The following CSF2RA variants were observed in gnomAD, a reference collection of about 807,000 sequenced individuals.
The protein encoded by CSF2RA is granulocyte-macrophage colony-stimulating factor receptor subunit alpha.
In CSF2RA, 42 loss-of-function variants were observed where a neutral mutation model predicts 51.6. The observed-to-expected ratio is 0.81, with a 90% confidence interval of 0.64 to 1.05. CSF2RA has a LOEUF of 1.05. CSF2RA is among the 50% of genes least tolerant of loss of function. CSF2RA has a pLI of 0.00. For synonymous variants in CSF2RA, 222 were observed against 193.0 expected (o/e 1.15, Z -1.24); for missense variants, 530 against 501.1 (o/e 1.06, Z -0.55).
downstream of CSF2RA, among the ~76,000 whole-genome samples, chrX:1,312,425 C>T (rs2084230163): frequency 1.3e-5 from 2 of 152,010 alleles, no homozygotes; most frequent in African/African-American, 2.4e-5. Context: ...GGAATTAGGA[C>T]GTGGACATCT....
downstream of CSF2RA, among the ~76,000 whole-genome samples, chrX:1,315,293 C>T (rs1367272534): frequency 6.6e-6 from 1 of 151,554 alleles, no homozygotes; most frequent in African/African-American, 2.4e-5. Flanking sequence ...TGATAGATGA[C>T]AGATGAAAAA....
At position 1,302,957 on chromosome X, in the gene CSF2RA, C is replaced by T. The variant is rs1270183326; in HGVS notation, c.947-966C>T. ...CACGATCTCGGCTCACTGCAACCTC[C>T]GCCTCCCGGGTTCAAGCGATTCTCC... On this transcript the variant is annotated intron_variant, in intron 10 of 12. Coordinates refer to ENST00000381529, the MANE Select transcript of CSF2RA (RefSeq NM_172245.4). The T allele has an allele frequency of 2.7e-4, 67 of 243,862 alleles. No individual in the cohort carries two copies. The East Asian group carries it at 4.0e-3, about 15-fold the overall frequency. The allele number at this position is 243,862 out of a possible 1,614,324, so 15.1% of individuals were successfully genotyped here.
chrX:1,275,000 C>A (rs1242115205), intron 2 of CSF2RA, among the ~76,000 whole-genome samples, 182 bp downstream of exon 2: 1 of 151,262 alleles, frequency 6.6e-6, no homozygotes, highest in African/African-American at 2.4e-5. Flanking sequence ...GTCACGTTCC[C>A]TCTGAGACAG....
chrX:1,273,557 G>T (rs769238131), intron 1 of CSF2RA, among the ~76,000 whole-genome samples: 1 of 151,628 alleles, frequency 6.6e-6, no homozygotes, highest in South Asian at 2.1e-4. Context: ...TTGAACTCCT[G>T]ACCTCAGGTG....
Position 1,288,880 on chromosome X carries a change from A to G in CSF2RA, c.465A>G (p.Arg155=). ...ACGTCCAGTATTTTTTGTACATACG[A>G]AACTCAAAGTAAGTGTTCACCTCAT... The part of the protein sequence containing the change: ...PRDVQYFLYI[R]NSKRRREIRC... The change falls in exon 6 of 13, where the codon CGA becomes CGG. Residue 155 remains arginine (R), a synonymous_variant. Transcript: ENST00000381529. 1 of 1,601,630 alleles carries G rather than the reference A, an allele frequency of 6.2e-7. No individual in the cohort carries two copies. Among genetic ancestry groups the G allele is most frequent in the Non-Finnish European group, 8.5e-7 (1 of 1,173,712 alleles).
At chrX:1,314,297 A>ACC (rs2084338163), downstream of CSF2RA, among the ~76,000 whole-genome samples, 1 of 106,766 alleles carries the variant, frequency 9.4e-6, no homozygotes, top group African/African-American at 3.2e-5. Flanking sequence ...CATCTGCCCA[A>ACC]CCACTCTGTG....
chrX:1,323,077 C>A, the CSF2RA span, among the ~76,000 whole-genome samples: 2 of 151,354 alleles, frequency 1.3e-5, no homozygotes, highest in Admixed American at 6.6e-5. Flanking sequence ...TGCAGTGAGC[C>A]GAGATCGCGC....
downstream of CSF2RA, among the ~76,000 whole-genome samples, chrX:1,314,320 C>G (rs1569514762): frequency 1.0e-4 from 14 of 140,604 alleles, 1 homozygote; most frequent in Non-Finnish European, 2.0e-4. Context: ...TGCCCAACCA[C>G]ACTGCACCTG....
At chrX:1,301,129 G>A (rs1213674625) in intron 10 of CSF2RA, among the ~76,000 whole-genome samples, 4 of 150,886 alleles carry the variant, frequency 2.7e-5, no homozygotes, top group Non-Finnish European at 5.9e-5. Context: ...CTCCAGCCTG[G>A]GTGACAGCGT....
the CSF2RA span, among the ~76,000 whole-genome samples, chrX:1,323,171 A>AAAATAAAATAAAATAAAATAAAAT: frequency 6.6e-6 from 1 of 151,642 alleles, no homozygotes; most frequent in Non-Finnish European, 1.5e-5. Flanking sequence ...AAAATAAAAT[A>AAAATAAAATAAAATAAAATAAAAT]AAATAAAATA....
chrX:1,313,114 G>C (rs2084256286), downstream of CSF2RA, among the ~76,000 whole-genome samples: 1 of 152,042 alleles, frequency 6.6e-6, no homozygotes, highest in Non-Finnish European at 1.5e-5. Flanking sequence ...CTCAGAAGCA[G>C]AGGCCTCCGG....
At chrX:1,291,961 ACC>A (rs1298844548) in intron 7 of CSF2RA, among the ~76,000 whole-genome samples, 9 of 100,602 alleles carry the variant, frequency 8.9e-5, no homozygotes, top group South Asian at 3.3e-4. Context: ...ACAGAAGGAG[ACC>A]CTGCACCACC....
At chrX:1,299,775 A>G (rs1603432255) in intron 9 of CSF2RA, among the ~76,000 whole-genome samples, 1 of 152,086 alleles carries the variant, frequency 6.6e-6, no homozygotes, top group African/African-American at 2.4e-5. Context: ...AAACGTACCC[A>G]TGCGTGGTGG....
At chrX:1,314,364 ATCTGCCCAACCACTCTGTG>A (rs1436907883), downstream of CSF2RA, among the ~76,000 whole-genome samples, 79 of 142,996 alleles carry the variant, frequency 5.5e-4, no homozygotes, top group East Asian at 4.4e-3. Flanking sequence ...ACCCCACTGC[ATCTGCCCAACCACTCTGTG>A]CCTGCCCAAC....
downstream of CSF2RA, among the ~76,000 whole-genome samples, chrX:1,314,889 A>G (rs75837488): frequency 0.056 from 971 of 17,332 alleles, 234 homozygotes; most frequent in Non-Finnish European, 0.081. Context: ...CTGCCCAACC[A>G]CACTGAACCT....
intron 2 of CSF2RA, among the ~76,000 whole-genome samples, chrX:1,281,633 G>T (rs1445468215): frequency 6.6e-6 from 1 of 151,776 alleles, no homozygotes; most frequent in Non-Finnish European, 1.5e-5. Flanking sequence ...CATCCTCTGA[G>T]GTCCATGTAT....
the CSF2RA span, among the ~76,000 whole-genome samples, chrX:1,321,198 G>A: frequency 1.3e-4 from 20 of 151,982 alleles, no homozygotes; most frequent in Non-Finnish European, 2.4e-4. Flanking sequence ...GGCCGGGCAC[G>A]GTGGCTCACG....
intron 1 of CSF2RA, among the ~76,000 whole-genome samples, chrX:1,269,502 A>T (rs190370679): frequency 6.6e-6 from 1 of 151,966 alleles, no homozygotes; most frequent in South Asian, 2.1e-4. Context: ...AGGCACCTGT[A>T]ATCCCACCTA....
At chrX:1,269,597 T>C (rs2088074746) in intron 1 of CSF2RA, among the ~76,000 whole-genome samples, 1 of 146,868 alleles carries the variant, frequency 6.8e-6, no homozygotes, top group Admixed American at 7.3e-5. Flanking sequence ...CACTCCAGCC[T>C]GGGCAACAAG....
Sources: allele counts gnomAD v4.1 joint callset (sites outside exome capture counted in the v4.1 genomes callset), GRCh38; gene constraint gnomAD v4.1.1; transcripts MANE v1.5; gene names NCBI Gene and HGNC (gene_info 2026-07-23, HGNC 2026-07-21).